The following CCNK variants were observed in gnomAD, a reference collection of about 807,000 sequenced individuals.
The protein encoded by CCNK is cyclin K.
Under a neutral mutation model 65.0 loss-of-function variants are expected in CCNK, and 9 were observed. The ratio of observed to expected loss-of-function variants is 0.14; its 90% CI spans 0.08 to 0.24. CCNK has a LOEUF of 0.24. Among genes scored for constraint, CCNK ranks in the 10% least tolerant of loss-of-function variants. The probability of loss-of-function intolerance (pLI) is 1.00; values close to 1 mark genes in which losing one functional copy is unlikely to be tolerated. For missense variants in CCNK, 474 were observed against 720.0 expected (o/e 0.66, Z 3.91); for synonymous variants, 279 against 270.8 (o/e 1.03, Z -0.30).
intron 10 of CCNK, chr14:99,509,544 AGCACGC>A (rs928396273): frequency 1.3e-5 from 2 of 154,514 alleles, no homozygotes; most frequent in African/African-American, 4.8e-5. Flanking sequence ...GCACGCACGC[AGCACGC>A]ACACGCACAC....
At chr14:99,490,747 G>A (rs963099619) in intron 1 of CCNK, among the ~76,000 whole-genome samples, 13 of 151,992 alleles carry the variant, frequency 8.6e-5, no homozygotes, top group Admixed American at 3.9e-4. Context: ...CTAACACGGC[G>A]AAACCCCATC....
At chr14:99,487,904 C>G (rs1566746324) in intron 1 of CCNK, among the ~76,000 whole-genome samples, 1 of 152,160 alleles carries the variant, frequency 6.6e-6, no homozygotes, top group South Asian at 2.1e-4. Context: ...CCTTGGCTAT[C>G]GAGGGATTGA....
chr14:99,495,161 T>C (rs186818465), intron 3 of CCNK: 1 of 191,336 alleles, frequency 5.2e-6, no homozygotes, highest in East Asian at 1.6e-4. Flanking sequence ...CTCTTTCTTT[T>C]TCCACGGCAA....
intron 10 of CCNK, 28 bp downstream of exon 10, chr14:99,507,175 A>C (rs780803236): frequency 1.5e-6 from 2 of 1,367,978 alleles, no homozygotes; most frequent in East Asian, 2.3e-5. Context: ...CAGCTTGGCC[A>C]GCTGTGCACA....
chr14:99,481,970 G>A (rs907756762), intron 1 of CCNK, among the ~76,000 whole-genome samples: 1 of 152,196 alleles, frequency 6.6e-6, no homozygotes, highest in East Asian at 1.9e-4. Flanking sequence ...ATGAGGAAAA[G>A]GCACTTCCGG....
intron 6 of CCNK, chr14:99,501,665 A>C: frequency 2.1e-6 from 1 of 466,300 alleles, no homozygotes. Context: ...ATAAGTCCAA[A>C]ACAATACACT....
chr14:99,502,616 A>G lies in CCNK; in HGVS notation c.746-103A>G, dbSNP rs971280178. On this transcript the variant is annotated intron_variant, in intron 7 of 10. Transcript: ENST00000389879. ...ATGGGGTGAGTTGTAAATGTGATTC[A>G]TGCTTAGGTCCTCGTAGGGGTATCA... The G allele has an allele frequency of 2.4e-6, 3 of 1,257,074 alleles. No individual in the cohort carries two copies. In the African/African-American group the frequency reaches 4.5e-5, roughly 19 times the overall value. The allele number at this position is 1,257,074 out of a possible 1,614,324, so 77.9% of individuals were successfully genotyped here.
chr14:99,486,526 A>G (rs1595303705), intron 1 of CCNK, among the ~76,000 whole-genome samples: 1 of 152,164 alleles, frequency 6.6e-6, no homozygotes, highest in Admixed American at 6.5e-5. Context: ...CAACTGGCCT[A>G]TTTATCTGTC....
chr14:99,503,272 A>C (rs189577425), intron 8 of CCNK: 1 of 629,324 alleles, frequency 1.6e-6, no homozygotes, highest in African/African-American at 1.8e-5. Flanking sequence ...GTGTCCTAGC[A>C]GTGTCGTTGT....
At chr14:99,501,673 A>T in intron 6 of CCNK, 1 of 439,132 alleles carries the variant, frequency 2.3e-6, no homozygotes, top group Middle Eastern at 6.0e-4. Flanking sequence ...AAAACAATAC[A>T]CTGGAGAATT....
At chr14:99,489,371 A>C (rs371176329) in intron 1 of CCNK, among the ~76,000 whole-genome samples, 1 of 152,168 alleles carries the variant, frequency 6.6e-6, no homozygotes, top group Non-Finnish European at 1.5e-5. Flanking sequence ...ATGAAGTTTT[A>C]AAATTTCGTT....
Position 99,495,614 on chromosome 14 carries a change from T to C in CCNK, c.396T>C (p.Phe132=), listed in dbSNP as rs1896684765. 2 of 1,609,288 alleles carry C rather than the reference T, an allele frequency of 1.2e-6. No homozygotes were observed. Among genetic ancestry groups the C allele is most frequent in the Non-Finnish European group, 1.7e-6 (2 of 1,178,384 alleles). ...SLLNDVQFGQ[F]GDDPKEEVMV... Reference sequence around the variant, plus strand: ...TAAATGATGTACAATTTGGCCAGTTTGGAGATGACCCAAAGGTAAGAATGA... The same window carrying C: ...TAAATGATGTACAATTTGGCCAGTTCGGAGATGACCCAAAGGTAAGAATGA... Residue 132 remains phenylalanine, a synonymous_variant, in exon 4 of 11, where the codon TTT becomes TTC. Coordinates refer to ENST00000389879, the MANE Select transcript of CCNK (RefSeq NM_001099402.2).
chr14:99,487,413 A>G (rs762696682), intron 1 of CCNK, among the ~76,000 whole-genome samples: 1 of 152,212 alleles, frequency 6.6e-6, no homozygotes, highest in Non-Finnish European at 1.5e-5. Flanking sequence ...ACTAGATGCC[A>G]GTGGCAACCC....
chr14:99,506,722 T>C (rs1896984721), intron 9 of CCNK: 1 of 281,502 alleles, frequency 3.6e-6, no homozygotes, highest in Non-Finnish European at 7.0e-6. Context: ...CTTTGTGTCC[T>C]CTGTACCAGG....
chr14:99,495,789 G>A (rs1387436874), intron 4 of CCNK, among the ~76,000 whole-genome samples, 160 bp downstream of exon 4: 2 of 152,164 alleles, frequency 1.3e-5, no homozygotes. Context: ...TGTAAGAAAG[G>A]AGGGAAGATC....
chr14:99,510,265 C>G lies in CCNK; in HGVS notation c.1226C>G (p.Pro409Arg). Reference sequence around the variant, plus strand: ...ATTCCCCCTCCGGCCCACCCGGCCCCTGTGCACCAGCCACCGCCGCTGCCA... The same window carrying G: ...ATTCCCCCTCCGGCCCACCCGGCCCGTGTGCACCAGCCACCGCCGCTGCCA... Reference protein sequence around the residue: ...VQIPPPAHPAPVHQPPPLPHR... With the variant: ...VQIPPPAHPARVHQPPPLPHR... Residue 409 changes from proline (P) to arginine (R), a missense_variant, in exon 11 of 11, where the codon CCT (proline) becomes CGT (arginine). Pro to Arg is a moderately radical substitution (Grantham distance 103, BLOSUM62 -2). Transcript: ENST00000389879. The G allele has an allele frequency of 6.4e-7, 1 of 1,560,678 alleles. No homozygotes were observed. Among genetic ancestry groups the G allele is most frequent in the Non-Finnish European group, 8.6e-7 (1 of 1,156,694 alleles).
chr14:99,510,978 G>C lies in CCNK; in HGVS notation c.*196G>C. On this transcript the variant is annotated 3_prime_UTR_variant, in exon 11 of 11. Transcript: ENST00000389879. The stretch of plus-strand genomic sequence containing the variant: ...ACGGGGACAACCAGCTTTCAGAGTA[G>C]CCTCATCAGTGCCCTTGCAGTCTGA... 2 of 419,998 alleles carry C rather than the reference G, an allele frequency of 4.8e-6. No homozygotes were observed. The highest frequency in any genetic ancestry group is 9.9e-5 in the South Asian group (1 of 10,070). 26.0% of individuals were successfully genotyped at this position (419,998 alleles called of 1,614,324 possible).
intron 7 of CCNK, 45 bp downstream of exon 7, chr14:99,502,421 G>A (rs368774342): frequency 4.3e-5 from 69 of 1,594,768 alleles, no homozygotes; most frequent in Non-Finnish European, 5.8e-5. Context: ...TCCATGTTGA[G>A]ATGATTCTTC....
intron 5 of CCNK, 94 bp downstream of exon 5, chr14:99,500,965 C>T: frequency 1.2e-6 from 1 of 807,308 alleles, no homozygotes; most frequent in South Asian, 1.6e-5. Context: ...AAGCGGAAAA[C>T]AAAGTTTGAT....
Sources: gnomAD v4.1 joint callset for allele counts (sites outside exome capture counted in the v4.1 genomes callset) on GRCh38, gnomAD v4.1.1 for gene constraint, MANE v1.5 for transcripts, NCBI Gene and HGNC (gene_info 2026-07-23, HGNC 2026-07-21) for gene names.